The following AGPAT2 variants were observed in gnomAD, a reference collection of about 807,000 sequenced individuals.
AGPAT2 encodes the protein 1-acyl-sn-glycerol-3-phosphate acyltransferase beta.
A neutral mutation model predicts 26.1 loss-of-function variants in AGPAT2; 18 were observed. The observed-to-expected ratio is 0.69, with a 90% CI of 0.48 to 1.02. The LOEUF is 1.02. Ranked by LOEUF, AGPAT2 falls within the 50% of genes least tolerant of loss-of-function variation. AGPAT2 has a pLI of 0.00. For missense variants in AGPAT2, 415 were observed against 394.9 expected (o/e 1.05, Z -0.43); for synonymous variants, 200 against 174.2 (o/e 1.15, Z -1.16).
chr9:136,674,484 C>T (rs1357232227), intron 5 of AGPAT2, among the ~76,000 whole-genome samples: 1 of 152,244 alleles, frequency 6.6e-6, no homozygotes, highest in African/African-American at 2.4e-5. Context: ...AGCTGGGGTC[C>T]ATCCGTGTGA....
chr9:136,686,619 C>T (rs1336523733), intron 1 of AGPAT2, among the ~76,000 whole-genome samples: 1 of 152,242 alleles, frequency 6.6e-6, no homozygotes, highest in Admixed American at 6.5e-5. Flanking sequence ...CAGGTCCCCT[C>T]CGGGTCCCCC....
intron 1 of AGPAT2, among the ~76,000 whole-genome samples, chr9:136,685,198 G>A (rs1460687106): frequency 2.6e-5 from 4 of 152,212 alleles, no homozygotes; most frequent in African/African-American, 7.2e-5. Flanking sequence ...CCAGTGTCCC[G>A]GAAGCCACTA....
Position 136,677,690 on chromosome 9 carries a change from CAG to C in AGPAT2, c.183-136_183-135del, listed in dbSNP as rs1402581512. 42 of 1,091,794 alleles carry C rather than the reference CAG, an allele frequency of 3.8e-5. 1 individual carries two copies. In the South Asian group the frequency reaches 4.2e-4, roughly 11 times the overall value. 67.6% of individuals were successfully genotyped at this position (1,091,794 alleles called of 1,614,324 possible). A position where few individuals can be genotyped will look rare whatever the true frequency, so the allele number is the denominator to read the frequency against. On this transcript the variant is annotated intron_variant, in intron 1 of 5. Transcript: ENST00000371696. ...GCACGGGGCAGGAGACCGGGAGACA[CAG>C]GGGAGGGAGCCCCTGAAGCGGACAG...
chr9:136,676,650 G>A lies in AGPAT2; in HGVS notation c.523C>T (p.Arg175Cys), dbSNP rs774187550. 9.9e-6 allele frequency: 16 copies of A among 1,613,376 alleles called. No individual in the cohort carries two copies. Among genetic ancestry groups the A allele is most frequent in the African/African-American group, 4.0e-5 (3 of 74,910 alleles). ...LKVWIYPEGT[R>C]NDNGDLLPFK... ...GGCAGCAGGTCCCCATTGTCGTTGC[G>A]AGTACCCTCGGGATAGATCCACACT... The change falls in exon 4 of 6, where the codon CGC becomes TGC. Residue 175 changes from arginine (R) to cysteine (C), a missense_variant. Transcript: ENST00000371696.
intron 1 of AGPAT2, among the ~76,000 whole-genome samples, chr9:136,684,277 T>C (rs917365097): frequency 1.3e-5 from 2 of 152,238 alleles, no homozygotes; most frequent in East Asian, 1.9e-4. Context: ...AACCCAGCTG[T>C]AGGACACGGA....
chr9:136,678,933 G>T (rs776694934), intron 1 of AGPAT2, among the ~76,000 whole-genome samples: 5 of 151,978 alleles, frequency 3.3e-5, no homozygotes, highest in African/African-American at 7.3e-5. Flanking sequence ...TTGTATTTTT[G>T]GTACAGATGG....
intron 1 of AGPAT2, among the ~76,000 whole-genome samples, chr9:136,681,803 C>A (rs1846164759): frequency 6.6e-6 from 1 of 152,018 alleles, no homozygotes; most frequent in African/African-American, 2.4e-5. Flanking sequence ...CTTCATCTCA[C>A]ACACACAAAA....
intron 1 of AGPAT2, 69 bp downstream of exon 1, chr9:136,687,107 A>G: frequency 1.3e-6 from 2 of 1,487,364 alleles, no homozygotes; most frequent in Non-Finnish European, 1.8e-6. Context: ...AGGGAAGCCC[A>G]GAAGAAAGTT....
intron 1 of AGPAT2, among the ~76,000 whole-genome samples, chr9:136,679,859 G>A (rs989473422): frequency 6.6e-6 from 1 of 152,252 alleles, no homozygotes; most frequent in Non-Finnish European, 1.5e-5. Context: ...CAGGTTGGCA[G>A]GCCCGGCCAG....
Position 136,676,962 on chromosome 9 carries a change from T to A in AGPAT2, c.491A>T (p.Asn164Ile). 1 of 1,490,260 alleles carries A rather than the reference T, an allele frequency of 6.7e-7. No homozygotes were observed. The highest frequency in any genetic ancestry group is 9.1e-7 in the Non-Finnish European group (1 of 1,104,264). The allele number at this position is 1,490,260 out of a possible 1,614,324, so 92.3% of individuals were successfully genotyped here. ...ADLGERMVRE[N>I]LKVWIYPEGT... ...CCGAGCCCGGCCCTGCACACTCACGTTCTCCCTGACCATGCGCTCGCCCAG... is the reference window on the plus strand; with the variant it reads ...CCGAGCCCGGCCCTGCACACTCACGATCTCCCTGACCATGCGCTCGCCCAG... The change falls in exon 3 of 6, where the codon AAC becomes ATC. Residue 164 changes from asparagine to isoleucine, a missense_variant and splice_region_variant. Transcript: ENST00000371696.
intron 1 of AGPAT2, among the ~76,000 whole-genome samples, 156 bp from the exon 2 acceptor site, chr9:136,677,712 G>A (rs981146384): frequency 1.3e-5 from 2 of 152,132 alleles, no homozygotes; most frequent in East Asian, 1.9e-4. Context: ...CCCCTGAAGC[G>A]GACAGAGTCC....
Position 136,673,728 on chromosome 9 carries a change from G to A in AGPAT2, c.*24C>T. On this transcript the variant is annotated 3_prime_UTR_variant, in exon 6 of 6. Transcript: ENST00000371696. The stretch of plus-strand genomic sequence containing the variant: ...CATCGGCTTCCACCTGCCCTCCCCA[G>A]GTCATGCCCTGCCGTGGTCTGGGCT... The A allele has an allele frequency of 6.4e-7, 1 of 1,551,010 alleles. No homozygotes were observed. Among genetic ancestry groups the A allele is most frequent in the Non-Finnish European group, 8.7e-7 (1 of 1,146,254 alleles).
chr9:136,683,235 G>A (rs1571985), intron 1 of AGPAT2, among the ~76,000 whole-genome samples: 151,033 of 151,138 alleles, frequency 1, 75,464 homozygotes, highest in Middle Eastern at 1. Context: ...AAAAAAAAAA[G>A]TCCAAAGTAA....
intron 1 of AGPAT2, among the ~76,000 whole-genome samples, chr9:136,684,894 C>T (rs1428068073): frequency 6.6e-6 from 1 of 152,220 alleles, no homozygotes; most frequent in Non-Finnish European, 1.5e-5. Context: ...CCCCTCCTTC[C>T]CTTCCAGCCC....
intron 1 of AGPAT2, among the ~76,000 whole-genome samples, chr9:136,678,561 G>A (rs1846122129): frequency 1.3e-5 from 2 of 152,156 alleles, no homozygotes; most frequent in Admixed American, 1.3e-4. Flanking sequence ...CTGACTGGGG[G>A]GCTGCCAGTG....
intron 4 of AGPAT2, among the ~76,000 whole-genome samples, chr9:136,675,354 A>G (rs34869670): frequency 0.33 from 12,209 of 37,400 alleles, 3,183 homozygotes; most frequent in East Asian, 0.4. Flanking sequence ...TGGCAGCAGG[A>G]AGGGAGGGGG....
intron 1 of AGPAT2, among the ~76,000 whole-genome samples, chr9:136,684,852 C>A (rs1304163351): frequency 6.6e-6 from 1 of 152,180 alleles, no homozygotes; most frequent in Non-Finnish European, 1.5e-5. Flanking sequence ...TGGAGGCACC[C>A]GTGGCGTACA....
intron 2 of AGPAT2, 49 bp downstream of exon 2, chr9:136,677,374 C>T (rs763093587): frequency 1.2e-6 from 2 of 1,612,286 alleles, no homozygotes; most frequent in East Asian, 2.2e-5. Context: ...AGCCCCAGCT[C>T]AGCCGGCCCC....
chr9:136,678,537 A>G (rs1008880743), intron 1 of AGPAT2, among the ~76,000 whole-genome samples: 7 of 152,160 alleles, frequency 4.6e-5, no homozygotes, highest in Non-Finnish European at 7.4e-5. Context: ...GGCCGGGGCA[A>G]GGCTGTGCCA....
Sources: allele counts gnomAD v4.1 joint callset (sites outside exome capture counted in the v4.1 genomes callset), GRCh38; gene constraint gnomAD v4.1.1; transcripts MANE v1.5; gene names NCBI Gene and HGNC (gene_info 2026-07-23, HGNC 2026-07-21).